The following SMOC1 variants were observed in gnomAD, a reference collection of about 807,000 sequenced individuals.
The protein encoded by SMOC1 is SPARC-related modular calcium-binding protein 1.
Under a neutral mutation model 56.3 loss-of-function variants are expected in SMOC1, and 22 were observed. That is an observed-to-expected ratio of 0.39 (90% CI 0.28 to 0.56). The LOEUF (loss-of-function observed/expected upper bound fraction) is 0.56, where lower values mean the gene tolerates loss of function less well. Ranked by LOEUF, SMOC1 falls within the 20% of genes least tolerant of loss-of-function variation. SMOC1 has a pLI of 0.61. For synonymous variants in SMOC1, 193 were observed against 215.0 expected (o/e 0.90, Z 0.89); for missense variants, 509 against 565.4 (o/e 0.90, Z 1.01).
At chr14:69,885,617 C>T (rs950795131) in intron 1 of SMOC1, 33 of 1,496,668 alleles carry the variant, frequency 2.2e-5, no homozygotes, top group African/African-American at 1.5e-4. Context: ...CCCCATTTTA[C>T]GACATAGGGC....
chr14:69,995,107 G>A (rs1884719621), intron 7 of SMOC1, among the ~76,000 whole-genome samples: 1 of 152,196 alleles, frequency 6.6e-6, no homozygotes, highest in Non-Finnish European at 1.5e-5. Flanking sequence ...TATCAAGGAG[G>A]ATCATCTTTT....
At position 69,968,722 on chromosome 14, in the gene SMOC1, T is replaced by C. The variant is rs373666823; in HGVS notation, c.379-6993T>C. ...CACTGCCAAAAGAGAGTTAGAAAAATACTCACATTCTTTTTACTTGTAGTT... is the reference window on the plus strand; with the variant it reads ...CACTGCCAAAAGAGAGTTAGAAAAACACTCACATTCTTTTTACTTGTAGTT... On this transcript the variant is annotated intron_variant, in intron 3 of 11. Coordinates refer to ENST00000361956, the MANE Select transcript of SMOC1 (RefSeq NM_001034852.3). 9.9e-5 allele frequency among the ~76,000 whole-genome samples: 15 copies of C among 152,272 alleles called. No homozygotes were observed. The South Asian group carries it at 3.1e-3, about 32-fold the overall frequency.
At chr14:69,958,072 T>G (rs962601209) in intron 3 of SMOC1, among the ~76,000 whole-genome samples, 4 of 152,192 alleles carry the variant, frequency 2.6e-5, no homozygotes, top group Non-Finnish European at 4.4e-5. Flanking sequence ...ATACAAATTT[T>G]AAATTTTTGG....
At chr14:70,020,327 A>G (rs1261721079) in intron 10 of SMOC1, among the ~76,000 whole-genome samples, 10 of 152,196 alleles carry the variant, frequency 6.6e-5, no homozygotes, top group Admixed American at 1.3e-4. Context: ...ATTTTCTGCT[A>G]TTAATGTACT....
intron 1 of SMOC1, among the ~76,000 whole-genome samples, chr14:69,922,186 C>T (rs1288639531): frequency 1.3e-5 from 2 of 152,216 alleles, no homozygotes; most frequent in African/African-American, 4.8e-5. Flanking sequence ...CTGGAGCTTT[C>T]TCATTGGTAA....
At chr14:69,884,746 C>T (rs991273015) in intron 1 of SMOC1, among the ~76,000 whole-genome samples, 13 of 152,080 alleles carry the variant, frequency 8.5e-5, no homozygotes, top group East Asian at 1.9e-4. Flanking sequence ...TCTGTAAATG[C>T]GTGGATTTAT....
At chr14:69,923,324 C>A (rs922570823) in intron 1 of SMOC1, among the ~76,000 whole-genome samples, 6 of 152,124 alleles carry the variant, frequency 3.9e-5, no homozygotes, top group African/African-American at 1.4e-4. Context: ...GTAAATGCAG[C>A]AAAATTTTTT....
intron 1 of SMOC1, among the ~76,000 whole-genome samples, chr14:69,880,873 G>A (rs1883619834): frequency 6.6e-6 from 1 of 152,226 alleles, no homozygotes; most frequent in Admixed American, 6.5e-5. Flanking sequence ...TACTATATGA[G>A]AATCATCTTT....
chr14:69,916,564 C>T (rs1884691953), intron 1 of SMOC1, among the ~76,000 whole-genome samples: 1 of 152,240 alleles, frequency 6.6e-6, no homozygotes, highest in African/African-American at 2.4e-5. Context: ...CCTCTTTGCC[C>T]CAGCTGCTCC....
chr14:69,952,043 C>G, intron 1 of SMOC1, 95 bp from the exon 2 acceptor site: 1 of 1,440,442 alleles, frequency 6.9e-7, no homozygotes, highest in East Asian at 2.3e-5. Flanking sequence ...TAGGGACTTA[C>G]TTTCTAAAGG....
intron 1 of SMOC1, among the ~76,000 whole-genome samples, chr14:69,914,703 A>G (rs1884639212): frequency 6.6e-6 from 1 of 152,184 alleles, no homozygotes; most frequent in Non-Finnish European, 1.5e-5. Context: ...CCTGGTTTCC[A>G]ACTGTAATGC....
intron 1 of SMOC1, among the ~76,000 whole-genome samples, chr14:69,909,612 G>T (rs1884502598): frequency 6.6e-6 from 1 of 152,208 alleles, no homozygotes; most frequent in South Asian, 2.1e-4. Context: ...TATCTTAAAT[G>T]AATACTCAGT....
chr14:69,881,315 C>T (rs539067849), intron 1 of SMOC1, among the ~76,000 whole-genome samples: 24 of 152,242 alleles, frequency 1.6e-4, no homozygotes, highest in African/African-American at 4.6e-4. Context: ...CAGAGCACCC[C>T]GACTGAAATC....
Position 69,879,592 on chromosome 14 carries a change from G to T in SMOC1, c.-87G>T, listed in dbSNP as rs1182749012. ...CGCTCCCCGCCGCCGCGAGGGCCCC[G>T]AGCGAAGGAAGGAAGGGAGGCGCGC... On this transcript the variant is annotated 5_prime_UTR_variant, in exon 1 of 12. Coordinates refer to ENST00000361956, the MANE Select transcript of SMOC1 (RefSeq NM_001034852.3). 1 of 1,099,962 alleles carries T rather than the reference G, an allele frequency of 9.1e-7. No homozygotes were observed. Among genetic ancestry groups the T allele is most frequent in the South Asian group, 2.3e-5 (1 of 43,588 alleles). The allele number at this position is 1,099,962 out of a possible 1,614,324, so 68.1% of individuals were successfully genotyped here.
At position 70,006,983 on chromosome 14, in the gene SMOC1, G is replaced by T. The variant is rs372825095; in HGVS notation, c.665-3771G>T. Among the ~76,000 whole-genome samples the T allele has an allele frequency of 3.5e-4, 54 of 152,350 alleles. No individual in the cohort carries two copies. In the South Asian group the frequency reaches 0.011, roughly 31 times the overall value. On this transcript the variant is annotated intron_variant, in intron 7 of 11. Transcript: ENST00000361956. Reference sequence around the variant, plus strand: ...GGCCAAAGCAAACCAGAGTCCACGTGGAGGGGTCCACACAAGGCCATGATC... The same window carrying T: ...GGCCAAAGCAAACCAGAGTCCACGTTGAGGGGTCCACACAAGGCCATGATC...
chr14:70,025,394 G>A (rs1411009854), intron 11 of SMOC1, among the ~76,000 whole-genome samples: 3 of 152,242 alleles, frequency 2.0e-5, no homozygotes, highest in South Asian at 4.1e-4. Flanking sequence ...CCCACCGCCC[G>A]CCCCGCCATG....
chr14:69,909,694 C>T (rs1884505221), intron 1 of SMOC1, among the ~76,000 whole-genome samples: 1 of 152,156 alleles, frequency 6.6e-6, no homozygotes, highest in Non-Finnish European at 1.5e-5. Context: ...GTGTAAAAAG[C>T]TTCCAGAAAA....
At chr14:70,013,364 C>A in intron 9 of SMOC1, 22 bp from the exon 10 acceptor site, 1 of 1,603,876 alleles carries the variant, frequency 6.2e-7, no homozygotes, top group Non-Finnish European at 8.5e-7. Context: ...CATCTACCTT[C>A]AAATCTCATT....
intron 1 of SMOC1, among the ~76,000 whole-genome samples, chr14:69,918,234 A>AT (rs537154120): frequency 0.05 from 7,372 of 148,018 alleles, 339 homozygotes; most frequent in African/African-American, 0.12. Context: ...ATATATATAT[A>AT]TATTTTTTTT....
Sources: allele counts gnomAD v4.1 joint callset (sites outside exome capture counted in the v4.1 genomes callset), GRCh38; gene constraint gnomAD v4.1.1; transcripts MANE v1.5; gene names NCBI Gene and HGNC (gene_info 2026-07-23, HGNC 2026-07-21).